TGFBRAP1: variants seen among roughly 807,000 people sequenced by gnomAD.
TGFBRAP1 encodes transforming growth factor beta receptor associated protein 1, also known as transforming growth factor-beta receptor-associated protein 1.
A neutral mutation model predicts 83.2 loss-of-function variants in TGFBRAP1; 20 were observed. The observed-to-expected ratio is 0.24, with a 90% CI of 0.17 to 0.35. The LOEUF (loss-of-function observed/expected upper bound fraction) is 0.35, where lower values mean the gene tolerates loss of function less well. TGFBRAP1 is among the 10% of genes least tolerant of loss of function. The pLI is 1.00. For synonymous variants in TGFBRAP1, 415 were observed against 459.8 expected, an observed-to-expected ratio of 0.90 and a Z score of 1.25; for missense variants, 950 against 1,099.4, an observed-to-expected ratio of 0.86 and a Z score of 1.92.
At chr2:105,308,922 T>C (rs1242035713) in intron 1 of TGFBRAP1, among the ~76,000 whole-genome samples, 1 of 152,182 alleles carries the variant, frequency 6.6e-6, no homozygotes, top group Admixed American at 6.5e-5. Context: ...AGGCCTTGGA[T>C]TCCTTTGTGT....
At position 105,266,336 on chromosome 2, in the gene TGFBRAP1, G is replaced by A. The variant is rs1432171247; in HGVS notation, c.*1047C>T. 1 of 152,138 alleles carries A rather than the reference G, an allele frequency of 6.6e-6. No homozygotes were observed. The highest frequency in any genetic ancestry group is 2.4e-5 in the African/African-American group (1 of 41,422). 9.4% of individuals were successfully genotyped at this position (152,138 alleles called of 1,614,324 possible). On this transcript the variant is annotated 3_prime_UTR_variant, in exon 12 of 12. Transcript: ENST00000393359. Reference sequence around the variant, plus strand: ...CTGCTAAAGGTACGAGGCTAAAACCGGCCTCTCCAGAAAAGAACGCTCAGT... The same window carrying A: ...CTGCTAAAGGTACGAGGCTAAAACCAGCCTCTCCAGAAAAGAACGCTCAGT...
intron 1 of TGFBRAP1, among the ~76,000 whole-genome samples, chr2:105,311,416 T>C (rs1027103604): frequency 2.6e-5 from 4 of 151,950 alleles, no homozygotes; most frequent in African/African-American, 9.7e-5. Context: ...ACCCTGTCTC[T>C]ACAAAAAAAA....
rs1322272638 is a variant in TGFBRAP1 at position 105,265,728 on chromosome 2, TTTC to T, written c.*1652_*1654del. 6.6e-6 allele frequency: 1 copy of T among 152,512 alleles called. No homozygotes were observed. Among genetic ancestry groups the T allele is most frequent in the Non-Finnish European group, 1.5e-5 (1 of 68,028 alleles). The allele number at this position is 152,512 out of a possible 1,614,324, so 9.4% of individuals were successfully genotyped here. A position where few individuals can be genotyped will look rare whatever the true frequency, so the allele number is the denominator to read the frequency against. Reference sequence around the variant, plus strand: ...GCATACAGTTGTGCTACAAGGAGAATTTCTTCATCATTTATTCTTTAGTTAATT... The same window carrying T: ...GCATACAGTTGTGCTACAAGGAGAATTTCATCATTTATTCTTTAGTTAATT... On this transcript the variant is annotated 3_prime_UTR_variant, in exon 12 of 12. Coordinates refer to ENST00000393359, the MANE Select transcript of TGFBRAP1 (RefSeq NM_004257.6).
chr2:105,307,508 G>A, intron 2 of TGFBRAP1, 106 bp downstream of exon 2: 1 of 1,225,028 alleles, frequency 8.2e-7, no homozygotes, highest in Non-Finnish European at 1.1e-6. Context: ...CACGCCCAAT[G>A]TCACTGAGGA....
intron 3 of TGFBRAP1, among the ~76,000 whole-genome samples, chr2:105,296,759 T>C (rs1438840916): frequency 7.3e-6 from 1 of 137,500 alleles, no homozygotes; most frequent in Non-Finnish European, 1.6e-5. Context: ...TTTTTGCCTT[T>C]TTTTTTTTTT....
intron 10 of TGFBRAP1, among the ~76,000 whole-genome samples, chr2:105,271,178 T>C (rs953121867): frequency 7.2e-5 from 11 of 152,182 alleles, no homozygotes; most frequent in African/African-American, 2.7e-4. Context: ...GAACTGTACC[T>C]GCCCTTAACT....
downstream of TGFBRAP1, among the ~76,000 whole-genome samples, chr2:105,261,966 C>T (rs1469841436): frequency 6.6e-6 from 1 of 152,116 alleles, no homozygotes; most frequent in Non-Finnish European, 1.5e-5. Context: ...GGGGGCACAT[C>T]TGTGGGATGT....
chr2:105,253,574 GGCGT>G, the TGFBRAP1 span, among the ~76,000 whole-genome samples: 1 of 152,190 alleles, frequency 6.6e-6, no homozygotes, highest in African/African-American at 2.4e-5. Context: ...TGGGACTACA[GGCGT>G]GTGCCACCAT....
At chr2:105,284,144 G>T (rs1268977829) in intron 5 of TGFBRAP1, among the ~76,000 whole-genome samples, 172 bp downstream of exon 5, 1 of 152,112 alleles carries the variant, frequency 6.6e-6, no homozygotes, top group Non-Finnish European at 1.5e-5. Flanking sequence ...GAGGGGTGAC[G>T]CTGAGGAACC....
Position 105,299,995 on chromosome 2 carries a change from G to A in TGFBRAP1, c.689-1290C>T, listed in dbSNP as rs201236171. On this transcript the variant is annotated intron_variant, in intron 2 of 11. Transcript: ENST00000393359. Reference sequence around the variant, plus strand: ...GCAGGAGTGCAACTGCTGTCAACAGGCACATGTAACAAATGTGTAAATGGC... The same window carrying A: ...GCAGGAGTGCAACTGCTGTCAACAGACACATGTAACAAATGTGTAAATGGC... 7.2e-5 allele frequency among the ~76,000 whole-genome samples: 11 copies of A among 152,254 alleles called. No individual in the cohort carries two copies. In the East Asian group the frequency reaches 2.1e-3, roughly 29 times the overall value.
intron 4 of TGFBRAP1, among the ~76,000 whole-genome samples, chr2:105,290,222 A>G (rs1213625698): frequency 6.6e-6 from 1 of 152,158 alleles, no homozygotes; most frequent in African/African-American, 2.4e-5. Flanking sequence ...GCATGCCATC[A>G]TGCTCAACTA....
intron 3 of TGFBRAP1, 88 bp downstream of exon 3, chr2:105,298,423 C>T (rs1389794911): frequency 7.1e-7 from 1 of 1,409,280 alleles, no homozygotes; most frequent in Non-Finnish European, 9.6e-7. Context: ...ATGCTTAGCG[C>T]AAGGCCCAGT....
At chr2:105,316,983 G>GA (rs1376692571) in intron 1 of TGFBRAP1, among the ~76,000 whole-genome samples, 2 of 151,954 alleles carry the variant, frequency 1.3e-5, no homozygotes, top group Non-Finnish European at 2.9e-5. Context: ...TGGGTGCCCA[G>GA]AAACAGGCCA....
chr2:105,250,855 C>T, the TGFBRAP1 span, among the ~76,000 whole-genome samples: 6 of 152,216 alleles, frequency 3.9e-5, no homozygotes, highest in East Asian at 1.9e-4. Context: ...GGGGTTTCGC[C>T]GTGTTGGCCG....
intron 2 of TGFBRAP1, among the ~76,000 whole-genome samples, chr2:105,299,886 G>T (rs1678224637): frequency 6.6e-6 from 1 of 152,126 alleles, no homozygotes; most frequent in African/African-American, 2.4e-5. Context: ...CCCCACTTGG[G>T]AACAGAGGGG....
chr2:105,329,134 T>C (rs1456682790), intron 1 of TGFBRAP1, among the ~76,000 whole-genome samples: 1 of 151,756 alleles, frequency 6.6e-6, no homozygotes, highest in Admixed American at 6.6e-5. Flanking sequence ...GAATTTGAGC[T>C]CTCAAATCCA....
chr2:105,272,621 C>T (rs778902012), intron 10 of TGFBRAP1, among the ~76,000 whole-genome samples: 5 of 152,288 alleles, frequency 3.3e-5, no homozygotes, highest in Non-Finnish European at 7.4e-5. Flanking sequence ...CCTATAATCC[C>T]AGCACCTTAG....
intron 4 of TGFBRAP1, among the ~76,000 whole-genome samples, chr2:105,285,987 A>G (rs1677705222): frequency 1.3e-5 from 2 of 152,232 alleles, no homozygotes; most frequent in Admixed American, 1.3e-4. Context: ...GCCACTTAGC[A>G]AAAGGGATGC....
rs749537306 is a variant in TGFBRAP1, at chr2:105,273,553, C to G, written c.1803G>C (p.Lys601Asn). The change falls in exon 9 of 12, where the codon AAG (lysine) becomes AAC (asparagine). Residue 601 changes from lysine to asparagine, a missense_variant. Lys to Asn is a moderately conservative substitution (Grantham distance 94). Transcript: ENST00000393359. The stretch of plus-strand genomic sequence containing the variant: ...CTTCTGCAGTGCTCACCTGCAGTCT[C>G]TTGTCTATCACAAGATGTTCCAGAT... ...VKYLEHLVID[K>N]RLQKEEYHTH... 1.9e-6 allele frequency: 3 copies of G among 1,614,144 alleles called. No individual in the cohort carries two copies. The highest frequency in any genetic ancestry group is 2.5e-6 in the Non-Finnish European group (3 of 1,180,016).
Sources: allele counts gnomAD v4.1 joint callset (sites outside exome capture counted in the v4.1 genomes callset), GRCh38; gene constraint gnomAD v4.1.1; transcripts MANE v1.5; gene names NCBI Gene and HGNC (gene_info 2026-07-23, HGNC 2026-07-21).